Variants in BRWD3 observed in about 807,000 individuals in gnomAD.
BRWD3 encodes the protein bromodomain and WD repeat domain containing 3, also known as bromodomain and WD repeat-containing protein 3.
In BRWD3, 10 loss-of-function variants were observed where a neutral mutation model predicts 149.7. The observed-to-expected ratio is 0.07, with a 90% CI of 0.04 to 0.11. BRWD3 has a LOEUF of 0.11. Ranked by LOEUF, BRWD3 falls within the 10% of genes least tolerant of loss-of-function variation. The pLI is 1.00. For synonymous variants in BRWD3, 504 were observed against 456.7 expected (o/e 1.10, Z -1.32); for missense variants, 940 against 1,373.2 (o/e 0.68, Z 4.99).
At chrX:80,772,679 A>G (rs1176314622) in intron 6 of BRWD3, among the ~76,000 whole-genome samples, 1 of 111,815 alleles carries the variant, frequency 8.9e-6, no homozygotes, top group African/African-American at 3.3e-5. Flanking sequence ...ATAAAACTCT[A>G]AGAAACAAAA....
chrX:80,791,391 T>C, intron 6 of BRWD3, among the ~76,000 whole-genome samples: 1 of 111,590 alleles, frequency 9.0e-6, no homozygotes. Flanking sequence ...TGGCCAGAGA[T>C]GTCCCAAGAA....
At chrX:80,765,272 T>C (rs1255153838) in intron 6 of BRWD3, among the ~76,000 whole-genome samples, 1 of 111,696 alleles carries the variant, frequency 9.0e-6, no homozygotes, top group East Asian at 2.8e-4. Flanking sequence ...GCAGTTACCA[T>C]ATTGATTGAC....
rs192156847 is a variant in BRWD3 at position 80,677,992 on chromosome X, C to A, written c.4655-629G>T. On this transcript the variant is annotated intron_variant, in intron 40 of 40. Coordinates refer to ENST00000373275, the MANE Select transcript of BRWD3 (RefSeq NM_153252.5). ...GGGAACAGAAAGCAAGCCAGTATAA[C>A]CAGAGTGGAATAGAAAAACAGTGAG... Among the ~76,000 whole-genome samples, 7 of 110,028 alleles carry A rather than the reference C, an allele frequency of 6.4e-5. No homozygotes were observed. The South Asian group carries it at 1.9e-3, about 30-fold the overall frequency.
At chrX:80,745,324 T>C (rs1348992492) in intron 7 of BRWD3, among the ~76,000 whole-genome samples, 1 of 111,690 alleles carries the variant, frequency 9.0e-6, no homozygotes, top group Non-Finnish European at 1.9e-5. Flanking sequence ...TAACCACTTC[T>C]AGAATATAAG....
chrX:80,706,893 C>T (rs779147940), intron 22 of BRWD3, among the ~76,000 whole-genome samples: 37 of 112,273 alleles, frequency 3.3e-4, no homozygotes, highest in African/African-American at 1.1e-3. Flanking sequence ...ATGAAGAAAC[C>T]GTAATAATAT....
chrX:80,707,573 C>G, intron 21 of BRWD3, 70 bp from the exon 22 acceptor site: 1 of 1,017,826 alleles, frequency 9.8e-7, no homozygotes, highest in East Asian at 3.2e-5. Context: ...TAAAAAACCA[C>G]TACCTGTTTT....
At chrX:80,698,525 A>ATGGTGAAACCCCATC (rs997405626) in intron 25 of BRWD3, among the ~76,000 whole-genome samples, 5 of 109,850 alleles carry the variant, frequency 4.6e-5, no homozygotes, top group Non-Finnish European at 9.5e-5. Context: ...CCTGGCCAAC[A>ATGGTGAAACCCCATC]TGGTGAAACC....
intron 14 of BRWD3, among the ~76,000 whole-genome samples, chrX:80,727,417 G>T (rs140522731): frequency 0.014 from 1,544 of 111,022 alleles, 24 homozygotes; most frequent in East Asian, 0.14. Flanking sequence ...TATCTGGGGA[G>T]AATCTGTTTC....
chrX:80,740,617 C>G (rs765213192), intron 8 of BRWD3, among the ~76,000 whole-genome samples: 5 of 111,475 alleles, frequency 4.5e-5, no homozygotes, highest in Non-Finnish European at 9.4e-5. Flanking sequence ...GATGTGGTGG[C>G]GCATGCCGGT....
chrX:80,682,200 C>A, intron 38 of BRWD3, 106 bp from the exon 39 acceptor site: 2 of 677,743 alleles, frequency 3.0e-6, no homozygotes, highest in African/African-American at 2.2e-5. Flanking sequence ...TATTAGCTGG[C>A]CAAAGAAGAA....
intron 40 of BRWD3, among the ~76,000 whole-genome samples, chrX:80,678,442 T>C (rs1250877376): frequency 9.0e-6 from 1 of 111,291 alleles, no homozygotes; most frequent in African/African-American, 3.3e-5. Flanking sequence ...ATTTTAGATG[T>C]TGACAGAGAT....
At chrX:80,786,707 G>T (rs1374582512) in intron 6 of BRWD3, among the ~76,000 whole-genome samples, 1 of 111,038 alleles carries the variant, frequency 9.0e-6, no homozygotes, top group East Asian at 2.8e-4. Flanking sequence ...TAGAGAGGGG[G>T]TTTCACCATG....
chrX:80,789,609 C>T (rs1289826237), intron 6 of BRWD3, among the ~76,000 whole-genome samples: 1 of 110,307 alleles, frequency 9.1e-6, no homozygotes, highest in Non-Finnish European at 1.9e-5. Context: ...ATCTCCTGAC[C>T]TCGTGATCCA....
intron 17 of BRWD3, among the ~76,000 whole-genome samples, chrX:80,722,068 G>A (rs1184333594): frequency 8.9e-6 from 1 of 111,826 alleles, no homozygotes; most frequent in African/African-American, 3.3e-5. Context: ...GGCTGGTCTT[G>A]AATGCCTAAC....
chrX:80,801,385 T>A (rs1256752418), intron 4 of BRWD3, among the ~76,000 whole-genome samples: 2 of 106,381 alleles, frequency 1.9e-5, no homozygotes, highest in Non-Finnish European at 3.9e-5. Flanking sequence ...CGCGCCTAAT[T>A]TTTTGTATTT....
rs913095336 is a variant in BRWD3, at chrX:80,675,516, G to C, written c.*1093C>G. 3 of 111,939 alleles carry C rather than the reference G, an allele frequency of 2.7e-5. No individual in the cohort carries two copies. Among genetic ancestry groups the C allele is most frequent in the African/African-American group, 9.7e-5 (3 of 30,882 alleles). The allele number at this position is 111,939 out of a possible 1,213,427, so 9.2% of individuals were successfully genotyped here. ...AGGTGGTAGAGCATACTATATTTATGAAACTTTGTTAATTACAATTATTAA... is the reference window on the plus strand; with the variant it reads ...AGGTGGTAGAGCATACTATATTTATCAAACTTTGTTAATTACAATTATTAA... On this transcript the variant is annotated 3_prime_UTR_variant, in exon 41 of 41. Coordinates refer to ENST00000373275, the MANE Select transcript of BRWD3 (RefSeq NM_153252.5).
At position 80,676,714 on chromosome X, in the gene BRWD3, A is replaced by C. The variant is rs1401800688; in HGVS notation, c.5304T>G (p.Phe1768Leu). 2 of 1,209,687 alleles carry C rather than the reference A, an allele frequency of 1.7e-6. No individual in the cohort carries two copies. The highest frequency in any genetic ancestry group is 3.5e-5 in the African/African-American group (2 of 57,156). The change falls in exon 41 of 41, where the codon TTT becomes TTG. Residue 1768 changes from phenylalanine (F) to leucine (L), a missense_variant. Coordinates refer to ENST00000373275, the MANE Select transcript of BRWD3 (RefSeq NM_153252.5). ...LYNDDSDNDN[F>L]VSTEDPLNLG... ...GATTCAGAGGATCCTCAGTGGACACAAAATTGTCATTATCAGAATCATCAT... is the reference window on the plus strand; with the variant it reads ...GATTCAGAGGATCCTCAGTGGACACCAAATTGTCATTATCAGAATCATCAT...
chrX:80,753,096 G>A (rs1228898481), intron 6 of BRWD3, among the ~76,000 whole-genome samples: 1 of 111,396 alleles, frequency 9.0e-6, no homozygotes, highest in Non-Finnish European at 1.9e-5. Context: ...GTATATTTTG[G>A]TTATTAGTCC....
chrX:80,700,445 A>ATATATATATATATATAT (rs1210579000), intron 24 of BRWD3, among the ~76,000 whole-genome samples: 1 of 3,276 alleles, frequency 3.1e-4, no homozygotes, highest in Non-Finnish European at 6.3e-4. Flanking sequence ...TATATATAAC[A>ATATATATATATATATAT]ATACAATTAG....
Sources: allele counts gnomAD v4.1 joint callset (sites outside exome capture counted in the v4.1 genomes callset), GRCh38; gene constraint gnomAD v4.1.1; transcripts MANE v1.5; gene names NCBI Gene and HGNC (gene_info 2026-07-23, HGNC 2026-07-21).